Variants in CRTAC1 observed in about 807,000 individuals in gnomAD.
CRTAC1 encodes the protein acidic secreted protein in cartilage.
CRTAC1 carries 37 observed loss-of-function variants against 67.8 expected under a neutral mutation model. That is an observed-to-expected ratio of 0.55 (90% confidence interval 0.42 to 0.72). The LOEUF (loss-of-function observed/expected upper bound fraction) is 0.72, where lower values mean the gene tolerates loss of function less well. CRTAC1 is among the 30% of genes least tolerant of loss of function. CRTAC1 has a pLI of 0.00. For synonymous variants in CRTAC1, 348 were observed against 371.0 expected, an observed-to-expected ratio of 0.94 and a Z score of 0.71; for missense variants, 780 against 931.6, an observed-to-expected ratio of 0.84 and a Z score of 2.12.
intron 1 of CRTAC1, among the ~76,000 whole-genome samples, chr10:98,025,643 A>G (rs1843215895): frequency 2.0e-5 from 3 of 152,168 alleles, no homozygotes; most frequent in African/African-American, 4.8e-5. Flanking sequence ...TCTCCTAAGG[A>G]AAGTTCACAG....
chr10:97,958,924 G>C (rs1333781908), intron 2 of CRTAC1, among the ~76,000 whole-genome samples: 2 of 152,144 alleles, frequency 1.3e-5, no homozygotes, highest in Non-Finnish European at 2.9e-5. Context: ...TCTGCTCGGT[G>C]GTTTATTCTC....
intron 4 of CRTAC1, among the ~76,000 whole-genome samples, chr10:97,918,963 TTAG>T (rs1490010154): frequency 6.6e-6 from 1 of 152,110 alleles, no homozygotes; most frequent in East Asian, 1.9e-4. Context: ...TTTGTATTTT[TTAG>T]TAGAGACAGG....
intron 2 of CRTAC1, among the ~76,000 whole-genome samples, chr10:97,966,299 C>T (rs145869865): frequency 2.0e-5 from 3 of 152,166 alleles, no homozygotes; most frequent in Admixed American, 1.3e-4. Context: ...TAGTACAGAC[C>T]GGGTTTTGCC....
At chr10:97,906,445 A>G (rs920760270) in intron 6 of CRTAC1, among the ~76,000 whole-genome samples, 1 of 152,012 alleles carries the variant, frequency 6.6e-6, no homozygotes, top group Non-Finnish European at 1.5e-5. Flanking sequence ...TGTCTTGTTA[A>G]ACCCCTGCAA....
chr10:97,977,112 T>C (rs948548946), intron 2 of CRTAC1, among the ~76,000 whole-genome samples: 3 of 152,172 alleles, frequency 2.0e-5, no homozygotes, highest in African/African-American at 7.2e-5. Flanking sequence ...ACTGCCAAAT[T>C]AGTATGGGGC....
At position 97,946,092 on chromosome 10, in the gene CRTAC1, C is replaced by G. The variant is rs576396880; in HGVS notation, c.225-9726G>C. On this transcript the variant is annotated intron_variant, in intron 2 of 14. Transcript: ENST00000370597. The stretch of plus-strand genomic sequence containing the variant: ...TCATGTTTGCTGATGATGACGAAGA[C>G]CATAACTCCATTTCTCAATGCATGT... 8.3e-4 allele frequency among the ~76,000 whole-genome samples: 126 copies of G among 152,244 alleles called. 2 individuals are homozygous for G. Among genetic ancestry groups the G allele is most frequent in the South Asian group, 8.3e-4 (4 of 4,816 alleles).
At chr10:97,927,830 C>T (rs531500532) in intron 3 of CRTAC1, among the ~76,000 whole-genome samples, 1 of 152,320 alleles carries the variant, frequency 6.6e-6, no homozygotes, top group African/African-American at 2.4e-5. Context: ...GTCAGGAAGA[C>T]AGATAAACAG....
intron 2 of CRTAC1, among the ~76,000 whole-genome samples, chr10:97,948,079 T>C (rs923320655): frequency 2.7e-5 from 4 of 145,896 alleles, no homozygotes; most frequent in Non-Finnish European, 4.5e-5. Context: ...TAATGGCAAT[T>C]GGATTCCATG....
intron 5 of CRTAC1, among the ~76,000 whole-genome samples, chr10:97,912,633 G>C (rs1048403251): frequency 4.6e-5 from 7 of 152,186 alleles, no homozygotes; most frequent in African/African-American, 1.7e-4. Context: ...GGTGGGGAGG[G>C]AGGGTGTGCA....
Position 97,904,741 on chromosome 10 carries a change from G to C in CRTAC1, c.924C>G (p.Ile308Met), listed in dbSNP as rs1001798432. The C allele has an allele frequency of 6.2e-7, 1 of 1,607,770 alleles. No individual in the cohort carries two copies. Among genetic ancestry groups the C allele is most frequent in the African/African-American group, 1.3e-5 (1 of 74,660 alleles). ...GGGGGCCATTCCAGTTGCCATAGAC[G>C]ATGTCCACTTTGCCATCACGGTTGA... ...ADFNRDGKVD[I>M]VYGNWNGPHR... Residue 308 changes from isoleucine to methionine, a missense_variant, in exon 7 of 15, where the codon ATC becomes ATG. Physicochemically the swap from Ile to Met is conservative, Grantham distance 10. Transcript: ENST00000370597.
chr10:97,900,260 T>C (rs957949451), intron 8 of CRTAC1, among the ~76,000 whole-genome samples: 1 of 152,164 alleles, frequency 6.6e-6, no homozygotes, highest in Non-Finnish European at 1.5e-5. Flanking sequence ...ACCCTTGTCA[T>C]CCAGAATTTC....
chr10:97,879,597 G>T, intron 14 of CRTAC1: 1 of 1,483,576 alleles, frequency 6.7e-7, no homozygotes, highest in Non-Finnish European at 9.0e-7. Flanking sequence ...TACTGGGCGT[G>T]GAGAGAGAGA....
intron 11 of CRTAC1, among the ~76,000 whole-genome samples, chr10:97,891,482 T>C (rs2050373104): frequency 6.6e-6 from 1 of 152,214 alleles, no homozygotes; most frequent in South Asian, 2.1e-4. Context: ...CAAAACTGAT[T>C]TCTCTCGCCT....
At chr10:97,969,239 T>G (rs1212549943) in intron 2 of CRTAC1, among the ~76,000 whole-genome samples, 1 of 152,150 alleles carries the variant, frequency 6.6e-6, no homozygotes, top group African/African-American at 2.4e-5. Context: ...GCTTCTCAAC[T>G]GGGGGAGGAG....
intron 2 of CRTAC1, among the ~76,000 whole-genome samples, chr10:97,962,133 C>T (rs2051536673): frequency 6.6e-6 from 1 of 152,168 alleles, no homozygotes; most frequent in Non-Finnish European, 1.5e-5. Context: ...TCATCCGGTG[C>T]CTGTCTGTGC....
At chr10:97,875,616 G>A (rs529068976) in intron 14 of CRTAC1, among the ~76,000 whole-genome samples, 1 of 152,322 alleles carries the variant, frequency 6.6e-6, no homozygotes, top group South Asian at 2.1e-4. Context: ...CCTGGGCACA[G>A]GGAGGCAGGG....
At chr10:97,984,270 G>A (rs1453032564) in intron 2 of CRTAC1, among the ~76,000 whole-genome samples, 1 of 152,156 alleles carries the variant, frequency 6.6e-6, no homozygotes, top group Non-Finnish European at 1.5e-5. Context: ...TAATGAGATG[G>A]GCTATTTAAT....
At chr10:97,993,527 G>C (rs991633515) in intron 2 of CRTAC1, among the ~76,000 whole-genome samples, 4 of 152,232 alleles carry the variant, frequency 2.6e-5, no homozygotes, top group Non-Finnish European at 5.9e-5. Flanking sequence ...TCATATTCTT[G>C]TATCTTCCAA....
In CRTAC1 at chr10:97,979,662, G is replaced by A. The variant is rs149847252; in HGVS notation, c.224+31476C>T. Among the ~76,000 whole-genome samples the A allele has an allele frequency of 1.8e-3, 280 of 152,294 alleles. 2 individuals are homozygous for A. The South Asian group carries it at 0.021, about 12-fold the overall frequency. On this transcript the variant is annotated intron_variant, in intron 2 of 14. Transcript: ENST00000370597. ...TTTTAATCAGCTGAGGCAGCAGAGCGGTGGTTCTCAGCCCTGGCTGCACTT... is the reference window on the plus strand; with the variant it reads ...TTTTAATCAGCTGAGGCAGCAGAGCAGTGGTTCTCAGCCCTGGCTGCACTT...
Sources: gnomAD v4.1 joint callset for allele counts (sites outside exome capture counted in the v4.1 genomes callset) on GRCh38, gnomAD v4.1.1 for gene constraint, MANE v1.5 for transcripts, NCBI Gene and HGNC (gene_info 2026-07-23, HGNC 2026-07-21) for gene names.